ASCC2: variants seen among roughly 807,000 people sequenced by gnomAD.
ASCC2 encodes activating signal cointegrator 1 complex subunit 2.
ASCC2 carries 42 observed loss-of-function variants against 93.5 expected under a neutral mutation model. The ratio of observed to expected loss-of-function variants is 0.45; its 90% CI spans 0.35 to 0.58. The LOEUF (loss-of-function observed/expected upper bound fraction) is 0.58. Among genes scored for constraint, ASCC2 ranks in the 20% least tolerant of loss-of-function variants. ASCC2 has a pLI of 0.00. For synonymous variants in ASCC2, 364 were observed against 384.2 expected (o/e 0.95, Z 0.62); for missense variants, 859 against 977.6 (o/e 0.88, Z 1.62).
chr22:29,805,859 C>T (rs1202564133), intron 12 of ASCC2, among the ~76,000 whole-genome samples: 2 of 151,832 alleles, frequency 1.3e-5, no homozygotes, highest in Admixed American at 1.3e-4. Flanking sequence ...GAGGCGCCAC[C>T]TCTGGTTTCC....
Position 29,807,313 on chromosome 22 carries a change from AG to A in ASCC2, c.909-410del, listed in dbSNP as rs1416926375. On this transcript the variant is annotated intron_variant, in intron 9 of 19. Coordinates refer to ENST00000307790, the MANE Select transcript of ASCC2 (RefSeq NM_032204.5). ...GGCACAAAGGGAGCTTCTCCCCAGC[AG>A]TTGCAGGTGCCTCCCTGGAGCAGAG... 9.9e-5 allele frequency among the ~76,000 whole-genome samples: 15 copies of A among 152,052 alleles called. No homozygotes were observed. The East Asian group carries it at 2.7e-3, about 27-fold the overall frequency.
rs551077405 is a variant in ASCC2, at chr22:29,819,603, G to A, written c.541+2732C>T. On this transcript the variant is annotated intron_variant, in intron 5 of 19. Transcript: ENST00000307790. ...ACACAGCCAGGAATAGAGCTGTGGT[G>A]TGAATTAGGCAGTTCGATTTCAAAG... 2.7e-4 allele frequency among the ~76,000 whole-genome samples: 41 copies of A among 152,302 alleles called. No individual in the cohort carries two copies. The South Asian group carries it at 2.7e-3, about 10-fold the overall frequency.
Position 29,806,778 on chromosome 22 carries a change from G to T in ASCC2, c.1016+19C>A, listed in dbSNP as rs2059723266. ...GGGGAGGAGACTCTTCCACCAGGAG[G>T]CAATTCGTGAGGGCTTACCTGCTTT... On this transcript the variant is annotated intron_variant, in intron 10 of 19. Coordinates refer to ENST00000307790, the MANE Select transcript of ASCC2 (RefSeq NM_032204.5). 1.3e-6 allele frequency: 2 copies of T among 1,582,792 alleles called. No homozygotes were observed. Among genetic ancestry groups the T allele is most frequent in the Non-Finnish European group, 1.7e-6 (2 of 1,151,924 alleles).
chr22:29,821,148 CTTTT>C (rs1202762525), intron 5 of ASCC2, among the ~76,000 whole-genome samples: 1 of 152,076 alleles, frequency 6.6e-6, no homozygotes, highest in Non-Finnish European at 1.5e-5. Flanking sequence ...TTCTGTTTCT[CTTTT>C]TTTCTTATTT....
intron 17 of ASCC2, among the ~76,000 whole-genome samples, chr22:29,792,872 G>A (rs1024785695): frequency 7.9e-5 from 12 of 152,178 alleles, no homozygotes; most frequent in South Asian, 2.1e-4. Flanking sequence ...TGGACTGAGC[G>A]CGGTGGCTCA....
intron 15 of ASCC2, among the ~76,000 whole-genome samples, chr22:29,799,751 C>T (rs2058856557): frequency 6.6e-6 from 1 of 152,202 alleles, no homozygotes; most frequent in Non-Finnish European, 1.5e-5. Context: ...AACTCTCTGT[C>T]CCTCTGATGG....
At chr22:29,827,237 C>T (rs1354451808) in intron 2 of ASCC2, among the ~76,000 whole-genome samples, 5 of 151,722 alleles carry the variant, frequency 3.3e-5, no homozygotes, top group African/African-American at 1.2e-4. Context: ...CCCTACTTGC[C>T]ATGAACAAAC....
At chr22:29,835,573 T>C (rs1182766845) in intron 1 of ASCC2, among the ~76,000 whole-genome samples, 2 of 152,184 alleles carry the variant, frequency 1.3e-5, no homozygotes, top group African/African-American at 4.8e-5. Context: ...GTTGAGACCT[T>C]GAGACAGTTC....
In ASCC2 at chr22:29,792,436, G is replaced by A. The variant is rs769097509; in HGVS notation, c.2019C>T (p.Pro673=). 1 of 1,613,892 alleles carries A rather than the reference G, an allele frequency of 6.2e-7. No homozygotes were observed. Among genetic ancestry groups the A allele is most frequent in the South Asian group, 1.1e-5 (1 of 91,076 alleles). ...CTGCTACCTGCCAGGGAGGTACCTT[G>A]GGAGCCTCCTCGTCAGCATCGTCTT... ...DEEDDADEEA[P]KPDHFVQDPA... Residue 673 remains proline (P), a synonymous_variant, in exon 18 of 20, where the codon CCC becomes CCT. Coordinates refer to ENST00000307790, the MANE Select transcript of ASCC2 (RefSeq NM_032204.5).
intron 17 of ASCC2, 133 bp from the exon 18 acceptor site, chr22:29,792,668 T>C: frequency 8.0e-7 from 1 of 1,255,986 alleles, no homozygotes; most frequent in Non-Finnish European, 1.1e-6. Context: ...CCAAAAGCCT[T>C]TCAAGCCAGA....
chr22:29,837,608 TG>T (rs1453487789), intron 1 of ASCC2, among the ~76,000 whole-genome samples: 1 of 152,208 alleles, frequency 6.6e-6, no homozygotes, highest in Non-Finnish European at 1.5e-5. Flanking sequence ...CAATATGGCC[TG>T]GGAGCATCCC....
intron 13 of ASCC2, among the ~76,000 whole-genome samples, chr22:29,803,935 C>T (rs563433143): frequency 7.9e-5 from 12 of 152,222 alleles, no homozygotes; most frequent in Non-Finnish European, 1.6e-4. Flanking sequence ...GGAATCCCAA[C>T]ACCTCATGGA....
At chr22:29,801,234 GA>G in intron 14 of ASCC2, 124 bp from the exon 15 acceptor site, 1 of 1,280,592 alleles carries the variant, frequency 7.8e-7, no homozygotes, top group Non-Finnish European at 1.0e-6. Flanking sequence ...GCACTCCTAG[GA>G]CACAATCTCA....
chr22:29,804,234 G>A (rs1345638197), intron 13 of ASCC2, among the ~76,000 whole-genome samples: 1 of 152,202 alleles, frequency 6.6e-6, no homozygotes, highest in African/African-American at 2.4e-5. Flanking sequence ...GTGGAATCCT[G>A]GAGCCCCACG....
At chr22:29,837,983 G>A (rs2064075172) in intron 1 of ASCC2, among the ~76,000 whole-genome samples, 195 bp downstream of exon 1, 1 of 152,214 alleles carries the variant, frequency 6.6e-6, no homozygotes. Flanking sequence ...GCCACTCTGG[G>A]GCCGAACTTC....
intron 5 of ASCC2, among the ~76,000 whole-genome samples, chr22:29,817,456 A>T (rs1384573140): frequency 6.6e-6 from 1 of 152,046 alleles, no homozygotes; most frequent in African/African-American, 2.4e-5. Context: ...TCAACCTCAG[A>T]AAACCATCCC....
At chr22:29,800,593 T>TCTGAAAAGCTCATTCAAAGTC (rs1556102137) in intron 15 of ASCC2, among the ~76,000 whole-genome samples, 1 of 152,232 alleles carries the variant, frequency 6.6e-6, no homozygotes, top group Non-Finnish European at 1.5e-5. Flanking sequence ...ATGTTCACCT[T>TCTGAAAAGCTCATTCAAAGTC]CTGAAAAGCT....
chr22:29,802,944 A>AAAAAT lies in ASCC2; in HGVS notation c.1354-741_1354-737dup, dbSNP rs1284431538. 2.6e-5 allele frequency among the ~76,000 whole-genome samples: 4 copies of AAAAAT among 151,610 alleles called. No homozygotes were observed. The Middle Eastern group carries it at 0.01, about 389-fold the overall frequency. On this transcript the variant is annotated intron_variant, in intron 13 of 19. Transcript: ENST00000307790. ...GAGCAAGACCCTGTCTCAAAAAATA[A>AAAAAT]AAAATAAAATAAAATAAATTAGGCC...
intron 1 of ASCC2, among the ~76,000 whole-genome samples, chr22:29,833,134 G>A (rs929122074): frequency 6.6e-6 from 1 of 152,122 alleles, no homozygotes; most frequent in African/African-American, 2.4e-5. Flanking sequence ...CCTTTATTAT[G>A]GCTCCAGCTC....
Sources: allele counts gnomAD v4.1 joint callset (sites outside exome capture counted in the v4.1 genomes callset), GRCh38; gene constraint gnomAD v4.1.1; transcripts MANE v1.5; gene names NCBI Gene and HGNC (gene_info 2026-07-23, HGNC 2026-07-21).